Variants in NDRG1 observed in about 807,000 individuals in gnomAD.
The protein encoded by NDRG1 is protein NDRG1.
In NDRG1, 32 loss-of-function variants were observed where a neutral mutation model predicts 56.9. That is an observed-to-expected ratio of 0.56 (90% CI 0.42 to 0.76). The LOEUF (loss-of-function observed/expected upper bound fraction) is 0.76. Ranked by LOEUF, NDRG1 falls within the 30% of genes least tolerant of loss-of-function variation. The pLI is 0.00. For missense variants in NDRG1, 507 were observed against 545.7 expected (o/e 0.93, Z 0.71); for synonymous variants, 211 against 204.1 (o/e 1.03, Z -0.29).
chr8:133,268,162 C>T (rs371472428), intron 3 of NDRG1, among the ~76,000 whole-genome samples: 6 of 152,090 alleles, frequency 3.9e-5, no homozygotes, highest in African/African-American at 9.7e-5. Context: ...AGTGGGCACC[C>T]GGTATCTGCT....
chr8:133,254,282 A>G (rs1856244590), intron 9 of NDRG1, among the ~76,000 whole-genome samples: 3 of 152,362 alleles, frequency 2.0e-5, no homozygotes, highest in Admixed American at 2.0e-4. Context: ...ATGTATATGC[A>G]TGTCAATTGT....
intron 3 of NDRG1, among the ~76,000 whole-genome samples, chr8:133,271,104 C>G (rs1437007926): frequency 6.6e-6 from 1 of 152,224 alleles, no homozygotes; most frequent in Non-Finnish European, 1.5e-5. Context: ...CCAGCTGTGA[C>G]TGTCTCCCCG....
chr8:133,246,836 T>C (rs1176886089), intron 12 of NDRG1, among the ~76,000 whole-genome samples, 173 bp from the exon 13 acceptor site: 1 of 152,232 alleles, frequency 6.6e-6, no homozygotes, highest in Non-Finnish European at 1.5e-5. Flanking sequence ...ATCCCAGCCT[T>C]GCCATTACCA....
rs1855876371 is a variant in NDRG1 at position 133,249,276 on chromosome 8, C to A, written c.699-505G>T. On this transcript the variant is annotated intron_variant, in intron 10 of 15. Transcript: ENST00000323851. ...GTTTCCCACTGCACTCGTGTGAGGC[C>A]CAGTGTGGGTCCAGCCCAGTGCCGA... The A allele has an allele frequency of 1.9e-5, 4 of 213,868 alleles. No individual in the cohort carries two copies. The South Asian group carries it at 3.1e-4, about 16-fold the overall frequency. 13.2% of individuals were successfully genotyped at this position (213,868 alleles called of 1,614,324 possible).
At position 133,295,417 on chromosome 8, in the gene NDRG1, C is replaced by T. The variant is rs140571551; in HGVS notation, c.-19+1717G>A. Among the ~76,000 whole-genome samples the T allele has an allele frequency of 5.0e-3, 769 of 152,328 alleles. 4 individuals carry two copies. The highest frequency in any genetic ancestry group is 0.011 in the Admixed American group (164 of 15,306). ...ACCCAGTTTTCCATCCACACCAAAA[C>T]CCTCTCTCTCCCTTACACCTTCCTT... is the stretch of plus-strand genomic sequence containing the variant. On this transcript the variant is annotated intron_variant, in intron 1 of 15. Coordinates refer to ENST00000323851, the MANE Select transcript of NDRG1 (RefSeq NM_006096.4).
chr8:133,284,574 C>T (rs1458464515), intron 1 of NDRG1, among the ~76,000 whole-genome samples: 1 of 152,178 alleles, frequency 6.6e-6, no homozygotes, highest in African/African-American at 2.4e-5. Flanking sequence ...TCACAGACAC[C>T]ACCCTCCCAA....
chr8:133,285,289 A>T (rs899695222), intron 1 of NDRG1, among the ~76,000 whole-genome samples: 23 of 152,216 alleles, frequency 1.5e-4, no homozygotes, highest in Non-Finnish European at 3.1e-4. Context: ...AGCATAAAAA[A>T]TGCAGAATAA....
At chr8:133,254,427 C>T (rs1856253876) in intron 9 of NDRG1, 112 bp downstream of exon 9, 2 of 1,034,622 alleles carry the variant, frequency 1.9e-6, no homozygotes, top group Non-Finnish European at 2.9e-6. Flanking sequence ...AGCTCGGTGG[C>T]CCCCAGTTGA....
chr8:133,256,634 G>A, intron 8 of NDRG1, 143 bp downstream of exon 8: 1 of 758,548 alleles, frequency 1.3e-6, no homozygotes, highest in East Asian at 2.7e-5. Flanking sequence ...GTAAAGCAGA[G>A]GGAACTGGAG....
At position 133,249,085 on chromosome 8, in the gene NDRG1, C is replaced by T. The variant is rs191630995; in HGVS notation, c.699-314G>A. 1.9e-4 allele frequency among the ~76,000 whole-genome samples: 29 copies of T among 152,338 alleles called. No homozygotes were observed. The East Asian group carries it at 4.1e-3, about 21-fold the overall frequency. ...AGAGGGTCCCCGCCTTCCCTGTCCC[C>T]CTAGTCAGAGCCCCCACCTGACAGA... On this transcript the variant is annotated intron_variant, in intron 10 of 15. Transcript: ENST00000323851.
intron 10 of NDRG1, chr8:133,249,390 T>TA (rs1268054768): frequency 6.2e-6 from 1 of 160,636 alleles, no homozygotes; most frequent in African/African-American, 2.4e-5. Flanking sequence ...AGCCTGGAGT[T>TA]AGACAAGCAG....
chr8:133,295,029 C>T (rs1296252950), intron 1 of NDRG1, among the ~76,000 whole-genome samples: 1 of 152,212 alleles, frequency 6.6e-6, no homozygotes, highest in Non-Finnish European at 1.5e-5. Context: ...AGAAGTTGGA[C>T]TAGGTAGGTC....
chr8:133,273,116 C>G (rs762173330), intron 3 of NDRG1, among the ~76,000 whole-genome samples: 1 of 152,084 alleles, frequency 6.6e-6, no homozygotes, highest in Non-Finnish European at 1.5e-5. Flanking sequence ...CCACTCCACA[C>G]GGAGGCCCTG....
intron 4 of NDRG1, among the ~76,000 whole-genome samples, chr8:133,262,824 C>G (rs564603600): frequency 1.3e-5 from 2 of 152,324 alleles, no homozygotes; most frequent in South Asian, 2.1e-4. Flanking sequence ...CACCCAGATT[C>G]TCTAAGATCC....
In NDRG1 at chr8:133,248,706, G is replaced by A. The variant is rs756756059; in HGVS notation, c.755+9C>T. 6.8e-6 allele frequency: 11 copies of A among 1,614,172 alleles called. No individual in the cohort carries two copies. The highest frequency in any genetic ancestry group is 8.5e-6 in the Non-Finnish European group (10 of 1,180,022). ...ACTGCAAGTGCTGGGGGAGAGAAAA[G>A]CCACTCACTGCAGGGTGACTGTGTG... On this transcript the variant is annotated intron_variant, in intron 11 of 15. Transcript: ENST00000323851.
chr8:133,272,509 C>G (rs991393411), intron 3 of NDRG1, among the ~76,000 whole-genome samples: 2 of 152,190 alleles, frequency 1.3e-5, no homozygotes, highest in African/African-American at 2.4e-5. Context: ...AGGGCTGGGT[C>G]TGCACTCGCT....
At chr8:133,258,233 A>ACACACAC in intron 7 of NDRG1, 133 bp downstream of exon 7, 1 of 890,362 alleles carries the variant, frequency 1.1e-6, no homozygotes, top group South Asian at 1.4e-5. Flanking sequence ...CACCACACAC[A>ACACACAC]CACACACACA....
At chr8:133,249,576 G>C (rs1471124427) in intron 10 of NDRG1, 1 of 153,798 alleles carries the variant, frequency 6.5e-6, no homozygotes, top group African/African-American at 2.4e-5. Context: ...TAACAGTGTG[G>C]AGTCTGCGGG....
intron 14 of NDRG1, among the ~76,000 whole-genome samples, chr8:133,243,044 G>C (rs927603680): frequency 6.6e-6 from 1 of 152,202 alleles, no homozygotes; most frequent in Non-Finnish European, 1.5e-5. Flanking sequence ...CGTGCAAGGC[G>C]TATCTGTTCT....
Sources: gnomAD v4.1 joint callset for allele counts (sites outside exome capture counted in the v4.1 genomes callset) on GRCh38, gnomAD v4.1.1 for gene constraint, MANE v1.5 for transcripts, NCBI Gene and HGNC (gene_info 2026-07-23, HGNC 2026-07-21) for gene names.